Variants in HUWE1 observed in about 807,000 individuals in gnomAD.
The protein encoded by HUWE1 is E3 ubiquitin-protein ligase HUWE1.
A neutral mutation model predicts 299.4 loss-of-function variants in HUWE1; 18 were observed. The ratio of observed to expected loss-of-function variants is 0.06; its 90% CI spans 0.04 to 0.09. The LOEUF (loss-of-function observed/expected upper bound fraction) is 0.09. Among genes scored for constraint, HUWE1 ranks in the 10% least tolerant of loss-of-function variants. HUWE1 has a pLI of 1.00. For synonymous variants in HUWE1, 1,317 were observed against 1,286.1 expected, an observed-to-expected ratio of 1.02 and a Z score of -0.51; for missense variants, 1,832 against 3,462.3, an observed-to-expected ratio of 0.53 and a Z score of 11.82.
In HUWE1 at chrX:53,536,363, C is replaced by T. The variant is rs782654746; in HGVS notation, c.12425+17G>A. 3.3e-6 allele frequency: 4 copies of T among 1,206,834 alleles called. No individual in the cohort carries two copies. The East Asian group carries it at 1.2e-4, about 36-fold the overall frequency. ...CCCAGGACTGAAGACAGTCCCAGGA[C>T]TATGCCTCATCCTCACCTGACTGAC... On this transcript the variant is annotated intron_variant, in intron 79 of 83. Transcript: ENST00000262854.
In HUWE1 at chrX:53,546,580, G is replaced by T; in HGVS notation, c.10771C>A (p.His3591Asn). ...TCTAAGCCTTCCTCAGAACAAGAGT[G>T]GGATGTCAACACCTGAGAAAAAGAA... The part of the protein sequence containing the change: ...LQLSVEVLTS[H>N]SCSEEGLEDA... Residue 3591 changes from histidine (H) to asparagine (N), a missense_variant, in exon 70 of 84, where the codon CAC becomes AAC. Physicochemically the swap from His to Asn is moderately conservative, Grantham distance 68. Coordinates refer to ENST00000262854, the MANE Select transcript of HUWE1 (RefSeq NM_031407.7). 1 of 1,209,883 alleles carries T rather than the reference G, an allele frequency of 8.3e-7. No homozygotes were observed. The highest frequency in any genetic ancestry group is 3.0e-5 in the East Asian group (1 of 33,826).
chrX:53,580,409 A>G (rs1475565456), intron 43 of HUWE1, among the ~76,000 whole-genome samples: 1 of 112,497 alleles, frequency 8.9e-6, no homozygotes, highest in African/African-American at 3.2e-5. Context: ...CACAATTTGT[A>G]TTTATCTAAT....
At chrX:53,537,190 T>C in intron 78 of HUWE1, 1 of 276,929 alleles carries the variant, frequency 3.6e-6, no homozygotes, top group Non-Finnish European at 6.6e-6. Flanking sequence ...GCTGATCTCC[T>C]CTAGGTGGCT....
chrX:53,555,636 CT>C lies in HUWE1; in HGVS notation c.8207-717del, dbSNP rs1175050260. Among the ~76,000 whole-genome samples, 689 of 75,257 alleles carry C rather than the reference CT, an allele frequency of 9.2e-3. 11 individuals are homozygous for C. Among genetic ancestry groups the C allele is most frequent in the African/African-American group, 0.027 (516 of 19,420 alleles). 65.4% of individuals were successfully genotyped at this position (75,257 alleles called of 115,157 possible). On this transcript the variant is annotated intron_variant, in intron 60 of 83. Transcript: ENST00000262854. Reference sequence around the variant, plus strand: ...GCCACTGCGTCCAGCCCTTCAAAATCTTTTTTTTTTTTTTTTTTTTCCTGAG... The same window carrying C: ...GCCACTGCGTCCAGCCCTTCAAAATCTTTTTTTTTTTTTTTTTTTCCTGAG...
In HUWE1 at chrX:53,634,135, G is replaced by A. The variant is rs189409327; in HGVS notation, c.567+101C>T. On this transcript the variant is annotated intron_variant, in intron 8 of 83. Transcript: ENST00000262854. ...TCTTAGGTTCCTCAAAGGTCTCGAT[G>A]TGAAGGCGTCACTTCATATACCACA... 65 of 651,865 alleles carry A rather than the reference G, an allele frequency of 1.0e-4. No individual in the cohort carries two copies. In the African/African-American group the frequency reaches 1.2e-3, roughly 12 times the overall value. 53.7% of individuals were successfully genotyped at this position (651,865 alleles called of 1,213,427 possible).
chrX:53,648,287 T>C lies in HUWE1; in HGVS notation c.69A>G (p.Ile23Met). 8.4e-7 allele frequency: 1 copy of C among 1,189,730 alleles called. No homozygotes were observed. The highest frequency in any genetic ancestry group is 1.1e-6 in the Non-Finnish European group (1 of 875,784). ...TEAPADCRAL[I>M]DKLKVCNDEQ... ...CATCATTACAAACTTTGAGTTTGTCTATTAAGGCTCTGCAGTCTGCAGGCT... is the reference window on the plus strand; with the variant it reads ...CATCATTACAAACTTTGAGTTTGTCCATTAAGGCTCTGCAGTCTGCAGGCT... Residue 23 changes from isoleucine to methionine, a missense_variant, in exon 5 of 84, where the codon ATA becomes ATG. Around this residue, in one of 15 missense-constraint regions of HUWE1, gnomAD observed 658 missense variants for 1,282.6 expected, o/e 0.51. Coordinates refer to ENST00000262854, the MANE Select transcript of HUWE1 (RefSeq NM_031407.7).
Position 53,603,343 on chromosome X carries a change from AT to A in HUWE1, c.2876+24del, listed in dbSNP as rs1366134576. ...CTCACCGAACTTAGATAACAAAGTAATAAGAGAGAGAGCCATTCTCTTACCT... is the reference window on the plus strand; with the variant it reads ...CTCACCGAACTTAGATAACAAAGTAAAAGAGAGAGAGCCATTCTCTTACCT... On this transcript the variant is annotated intron_variant, in intron 27 of 83. Coordinates refer to ENST00000262854, the MANE Select transcript of HUWE1 (RefSeq NM_031407.7). 6 of 1,199,315 alleles carry A rather than the reference AT, an allele frequency of 5.0e-6. No individual in the cohort carries two copies. The African/African-American group carries it at 5.3e-5, about 11-fold the overall frequency.
At chrX:53,668,755 G>A (rs1254415597) in intron 3 of HUWE1, among the ~76,000 whole-genome samples, 1 of 112,203 alleles carries the variant, frequency 8.9e-6, no homozygotes, top group Non-Finnish European at 1.9e-5. Context: ...AGATTGATAA[G>A]ACAGAAATAC....
chrX:53,673,862 C>T (rs2069678268), intron 3 of HUWE1, among the ~76,000 whole-genome samples: 1 of 111,121 alleles, frequency 9.0e-6, no homozygotes, highest in South Asian at 3.7e-4. Context: ...GCACATATTA[C>T]AGAAAAAGGT....
At position 53,547,988 on chromosome X, in the gene HUWE1, G is replaced by C. The variant is rs1005819037; in HGVS notation, c.10321C>G (p.Pro3441Ala). Residue 3441 changes from proline to alanine, a missense_variant, in exon 68 of 84, where the codon CCA (proline) becomes GCA (alanine). Pro to Ala is a conservative substitution (Grantham distance 27). Coordinates refer to ENST00000262854, the MANE Select transcript of HUWE1 (RefSeq NM_031407.7). ...LGQLMNMLSH[P>A]VIRRSSLLTE... ...AAGAGAGAGCTCCGGCGGATGACTGGGTGTGACAACATGTTCATGAGCTGC... is the reference window on the plus strand; with the variant it reads ...AAGAGAGAGCTCCGGCGGATGACTGCGTGTGACAACATGTTCATGAGCTGC... 1.9e-5 allele frequency: 23 copies of C among 1,211,549 alleles called. No individual in the cohort carries two copies. Among genetic ancestry groups the C allele is most frequent in the Non-Finnish European group, 2.6e-5 (23 of 895,273 alleles).
chrX:53,600,491 A>G (rs2064763429), intron 28 of HUWE1, among the ~76,000 whole-genome samples, 182 bp from the exon 29 acceptor site: 1 of 112,557 alleles, frequency 8.9e-6, no homozygotes, highest in Non-Finnish European at 1.9e-5. Flanking sequence ...TGGAGTTCTA[A>G]GTACCTAATG....
intron 3 of HUWE1, among the ~76,000 whole-genome samples, chrX:53,668,594 C>T (rs782423226): frequency 5.0e-4 from 56 of 111,467 alleles, no homozygotes; most frequent in Admixed American, 2.0e-3. Context: ...GACAAGTTGC[C>T]ATACATCTCT....
At chrX:53,661,564 T>A (rs1385180988) in intron 3 of HUWE1, among the ~76,000 whole-genome samples, 1 of 111,322 alleles carries the variant, frequency 9.0e-6, no homozygotes, top group African/African-American at 3.3e-5. Flanking sequence ...GAAAACCCTA[T>A]TACATTTAAA....
intron 56 of HUWE1, 32 bp downstream of exon 56, chrX:53,560,156 T>G: frequency 5.4e-6 from 6 of 1,106,050 alleles, no homozygotes; most frequent in Non-Finnish European, 7.3e-6. Flanking sequence ...TTACAAGAGC[T>G]CCGATGAATC....
chrX:53,601,812 G>A (rs1556991075), intron 28 of HUWE1, among the ~76,000 whole-genome samples: 1 of 109,464 alleles, frequency 9.1e-6, no homozygotes, highest in Non-Finnish European at 1.9e-5. Context: ...GGGATTATAG[G>A]TATGTGCCAC....
At chrX:53,545,296 G>A (rs782487470) in intron 70 of HUWE1, 135 bp from the exon 71 acceptor site, 19 of 638,021 alleles carry the variant, frequency 3.0e-5, no homozygotes, top group East Asian at 3.6e-5. Flanking sequence ...AGCTGGAATC[G>A]TGCTCTGTTC....
chrX:53,559,550 G>A lies in HUWE1; in HGVS notation c.7737-18C>T. 8.3e-7 allele frequency: 1 copy of A among 1,199,211 alleles called. No individual in the cohort carries two copies. The highest frequency in any genetic ancestry group is 1.1e-6 in the Non-Finnish European group (1 of 886,153). ...CAAGCAACCTGTAGGGTAATGGTGG[G>A]TACCATGATCACTGTTAAGTCCAGA... On this transcript the variant is annotated intron_variant, in intron 56 of 83. Transcript: ENST00000262854.
At chrX:53,535,027 C>T (rs1251973999) in intron 81 of HUWE1, among the ~76,000 whole-genome samples, 3 of 109,608 alleles carry the variant, frequency 2.7e-5, no homozygotes, top group Non-Finnish European at 5.7e-5. Context: ...AACTCCACCT[C>T]CCGGGTTCAA....
At position 53,634,434 on chromosome X, in the gene HUWE1, A is replaced by T. The variant is rs1481084854; in HGVS notation, c.505-136T>A. The stretch of plus-strand genomic sequence containing the variant: ...ATACACATACATATATATATTTAAG[A>T]GTGTGTGGCTGCTTGGAACATAATG... On this transcript the variant is annotated intron_variant, in intron 7 of 83. Transcript: ENST00000262854. 7.8e-5 allele frequency: 39 copies of T among 501,775 alleles called. No individual in the cohort carries two copies. In the East Asian group the frequency reaches 1.4e-3, roughly 18 times the overall value. 41.4% of individuals were successfully genotyped at this position (501,775 alleles called of 1,213,427 possible).
Sources: gnomAD v4.1 joint callset for allele counts (sites outside exome capture counted in the v4.1 genomes callset) on GRCh38, gnomAD v4.1.1 for gene constraint, gnomAD v4.1.1 regional missense constraint, MANE v1.5 for transcripts, NCBI Gene and HGNC (gene_info 2026-07-23, HGNC 2026-07-21) for gene names.